CCDC86: variants seen among roughly 807,000 people sequenced by gnomAD.
CCDC86 encodes coiled-coil domain containing 86.
CCDC86 carries 28 observed loss-of-function variants against 36.7 expected under a neutral mutation model. The ratio of observed to expected loss-of-function variants is 0.76; its 90% CI spans 0.57 to 1.05. The LOEUF (loss-of-function observed/expected upper bound fraction) is 1.05, where lower values mean the gene tolerates loss of function less well. CCDC86 is among the 50% of genes least tolerant of loss of function. The pLI is 0.00. For synonymous variants in CCDC86, 199 were observed against 203.4 expected, an observed-to-expected ratio of 0.98 and a Z score of 0.18; for missense variants, 453 against 470.2, an observed-to-expected ratio of 0.96 and a Z score of 0.34.
At chr11:60,845,922 T>C (rs1590572655) in intron 1 of CCDC86, among the ~76,000 whole-genome samples, 1 of 152,218 alleles carries the variant, frequency 6.6e-6, no homozygotes, top group African/African-American at 2.4e-5. Flanking sequence ...CCTGCCTCAG[T>C]ACCTTAGCCG....
At position 60,842,256 on chromosome 11, in the gene CCDC86, G is replaced by A. The variant is rs541655197; in HGVS notation, c.132G>A (p.Glu44=). Residue 44 remains glutamate, a synonymous_variant, in exon 1 of 4, where the codon GAG becomes GAA. Transcript: ENST00000227520. ...AGTCGAACCCAGAAGAAACGAGGGA[G>A]CCCGGGTCTCCTCCGAGTGTGCAGC... ...EFESNPEETR[E]PGSPPSVQRA... is the part of the protein sequence containing the mutation. 837 of 1,613,414 alleles carry A rather than the reference G, an allele frequency of 5.2e-4. 24 individuals carry two copies. In the South Asian group the frequency reaches 7.4e-3, roughly 14 times the overall value.
At position 60,842,470 on chromosome 11, in the gene CCDC86, T is replaced by C. The variant is rs762413004; in HGVS notation, c.346T>C (p.Cys116Arg). Reference protein sequence around the residue: ...QPEYSPESPRCQPKPSEEAPK... With the variant: ...QPEYSPESPRRQPKPSEEAPK... ...AGAGTACAGTCCTGAATCCCCACGATGTCAGCCGAAGCCAAGTGAGGAGGC... is the reference window on the plus strand; with the variant it reads ...AGAGTACAGTCCTGAATCCCCACGACGTCAGCCGAAGCCAAGTGAGGAGGC... Residue 116 changes from cysteine (C) to arginine (R), a missense_variant, in exon 1 of 4, where the codon TGT becomes CGT. Transcript: ENST00000227520. The C allele has an allele frequency of 6.2e-7, 1 of 1,613,656 alleles. No individual in the cohort carries two copies. The highest frequency in any genetic ancestry group is 8.5e-7 in the Non-Finnish European group (1 of 1,179,802).
Position 60,849,933 on chromosome 11 carries a change from G to A in CCDC86, c.889-7G>A. 1.2e-6 allele frequency: 2 copies of A among 1,613,172 alleles called. No homozygotes were observed. The highest frequency in any genetic ancestry group is 1.7e-6 in the Non-Finnish European group (2 of 1,179,424). The stretch of plus-strand genomic sequence containing the variant: ...CGACTCAAATCCCCTTCTCCCACAT[G>A]TTCCAGGAGAAGAAACAGCGCCGGG... On this transcript the variant is annotated splice_region_variant and splice_polypyrimidine_tract_variant and intron_variant, in intron 2 of 3. Transcript: ENST00000227520.
rs1855207921 is a variant in CCDC86, at chr11:60,847,954, G to A, written c.789G>A (p.Leu263=). 6.2e-7 allele frequency: 1 copy of A among 1,613,356 alleles called. No homozygotes were observed. Among genetic ancestry groups the A allele is most frequent in the Non-Finnish European group, 8.5e-7 (1 of 1,179,520 alleles). Residue 263 remains leucine (L), a synonymous_variant, in exon 2 of 4, where the codon CTG becomes CTA. Coordinates refer to ENST00000227520, the MANE Select transcript of CCDC86 (RefSeq NM_024098.4). Reference sequence around the variant, plus strand: ...CCCAGATGCTTCAGGACAAGCCCCTGCGCACATCGTGGCAGCGGAAGATGA... The same window carrying A: ...CCCAGATGCTTCAGGACAAGCCCCTACGCACATCGTGGCAGCGGAAGATGA... ...RFSQMLQDKP[L]RTSWQRKMKE...
chr11:60,844,003 G>A (rs565401656), intron 1 of CCDC86, among the ~76,000 whole-genome samples: 1 of 152,330 alleles, frequency 6.6e-6, no homozygotes, highest in African/African-American at 2.4e-5. Context: ...GTGGATGATG[G>A]CACTACCCCT....
intron 1 of CCDC86, chr11:60,847,343 C>T (rs511456): frequency 0.77 from 117,983 of 152,368 alleles, 46,133 homozygotes; most frequent in East Asian, 0.96. Flanking sequence ...CCTGGACTCA[C>T]GTGGTCTGCC....
Position 60,842,942 on chromosome 11 carries a change from T to A in CCDC86, c.758+60T>A, listed in dbSNP as rs552381645. On this transcript the variant is annotated intron_variant, in intron 1 of 3. Coordinates refer to ENST00000227520, the MANE Select transcript of CCDC86 (RefSeq NM_024098.4). ...TCTCTATGGTGTTGGGACCCCGCCT[T>A]TGCCCTGCTGCAGCCTGGAGAATAG... 1.2e-5 allele frequency: 18 copies of A among 1,509,702 alleles called. No individual in the cohort carries two copies. The African/African-American group carries it at 2.0e-4, about 16-fold the overall frequency. The allele number at this position is 1,509,702 out of a possible 1,614,324, so 93.5% of individuals were successfully genotyped here. A position where few individuals can be genotyped will look rare whatever the true frequency, so the allele number is the denominator to read the frequency against.
intron 1 of CCDC86, 108 bp downstream of exon 1, chr11:60,842,990 C>A (rs1052873294): frequency 5.8e-6 from 8 of 1,370,302 alleles, no homozygotes; most frequent in Non-Finnish European, 5.8e-6. Flanking sequence ...AGAGAGCTCA[C>A]GTTAGTGGGG....
chr11:60,848,724 A>G (rs1697189590), intron 2 of CCDC86, among the ~76,000 whole-genome samples: 1 of 152,090 alleles, frequency 6.6e-6, no homozygotes, highest in South Asian at 2.1e-4. Context: ...CCACTCCTCT[A>G]ATGACCCAGG....
rs1269365176 is a variant in CCDC86 at position 60,842,425 on chromosome 11, G to C, written c.301G>C (p.Glu101Gln). 2.5e-6 allele frequency: 4 copies of C among 1,613,888 alleles called. No individual in the cohort carries two copies. The African/African-American group carries it at 4.0e-5, about 16-fold the overall frequency. The change falls in exon 1 of 4, where the codon GAG (glutamate) becomes CAG (glutamine). Residue 101 changes from glutamate to glutamine, a missense_variant. By Grantham distance (29) the Glu-to-Gln change is conservative. Transcript: ENST00000227520. The part of the protein sequence containing the change: ...SPQRQQDLHL[E>Q]SPQRQPEYSP... The stretch of plus-strand genomic sequence containing the variant: ...CCAGCGTCAGCAAGACCTACACCTG[G>C]AGTCGCCTCAAAGACAGCCAGAGTA...
chr11:60,850,353 G>C lies in CCDC86; in HGVS notation c.*28G>C. ...TCAGGACGGCCCGAGGCCTTCCATG[G>C]CCAACAACCATGTCAGACACAGCAC... On this transcript the variant is annotated 3_prime_UTR_variant, in exon 4 of 4. Transcript: ENST00000227520. The C allele has an allele frequency of 6.2e-7, 1 of 1,610,124 alleles. No individual in the cohort carries two copies. Among genetic ancestry groups the C allele is most frequent in the Non-Finnish European group, 8.5e-7 (1 of 1,176,966 alleles).
In CCDC86 at chr11:60,849,885, A is replaced by G. The variant is rs560034331; in HGVS notation, c.889-55A>G. On this transcript the variant is annotated intron_variant, in intron 2 of 3. Transcript: ENST00000227520. ...CGCTCGCACTCTTCTGGGGCCTGAG[A>G]GACCAGGGCTGCCTCTGCTCCCCGA... 14 of 1,471,446 alleles carry G rather than the reference A, an allele frequency of 9.5e-6. No homozygotes were observed. In the South Asian group the frequency reaches 1.3e-4, roughly 14 times the overall value. 91.1% of individuals were successfully genotyped at this position (1,471,446 alleles called of 1,614,324 possible).
chr11:60,851,010 T>C lies in CCDC86; in HGVS notation c.*685T>C, dbSNP rs912773108. 2.0e-5 allele frequency: 3 copies of C among 152,128 alleles called. No individual in the cohort carries two copies. Among genetic ancestry groups the C allele is most frequent in the African/African-American group, 7.2e-5 (3 of 41,396 alleles). The allele number at this position is 152,128 out of a possible 1,614,324, so 9.4% of individuals were successfully genotyped here. The stretch of plus-strand genomic sequence containing the variant: ...CCTAGGCACCGGCAAATACAGACAA[T>C]AGACCAAAGTCCCTGCCCTCGAGGA... On this transcript the variant is annotated 3_prime_UTR_variant, in exon 4 of 4. Coordinates refer to ENST00000227520, the MANE Select transcript of CCDC86 (RefSeq NM_024098.4).
At chr11:60,844,491 C>G (rs57583466) in intron 1 of CCDC86, among the ~76,000 whole-genome samples, 1 of 152,182 alleles carries the variant, frequency 6.6e-6, no homozygotes, top group African/African-American at 2.4e-5. Context: ...TCAGCGCCTT[C>G]ACACGTGCTG....
Position 60,848,409 on chromosome 11 carries a change from G to A in CCDC86, c.888+356G>A, listed in dbSNP as rs567118229. Among the ~76,000 whole-genome samples, 7 of 152,018 alleles carry A rather than the reference G, an allele frequency of 4.6e-5. No individual in the cohort carries two copies. The South Asian group carries it at 6.2e-4, about 13-fold the overall frequency. ...GGGGTCGAGGGCCCTTTGCTGGGAC[G>A]TACTCAGTTGGGAAGGGCTTGCAGA... On this transcript the variant is annotated intron_variant, in intron 2 of 3. Coordinates refer to ENST00000227520, the MANE Select transcript of CCDC86 (RefSeq NM_024098.4).
rs535181700 is a variant in CCDC86 at position 60,842,975 on chromosome 11, G to T, written c.758+93G>T. On this transcript the variant is annotated intron_variant, in intron 1 of 3. Transcript: ENST00000227520. ...CTGCAGCCTGGAGAATAGCCCCAGGGTTAGAGAGAGCTCACGTTAGTGGGG... is the reference window on the plus strand; with the variant it reads ...CTGCAGCCTGGAGAATAGCCCCAGGTTTAGAGAGAGCTCACGTTAGTGGGG... 1.2e-5 allele frequency: 17 copies of T among 1,448,976 alleles called. No homozygotes were observed. In the East Asian group the frequency reaches 1.4e-4, roughly 12 times the overall value. The allele number at this position is 1,448,976 out of a possible 1,614,324, so 89.8% of individuals were successfully genotyped here.
At position 60,842,203 on chromosome 11, in the gene CCDC86, C is replaced by A. The variant is rs779336789; in HGVS notation, c.79C>A (p.Arg27=). The A allele has an allele frequency of 6.2e-7, 1 of 1,613,030 alleles. No individual in the cohort carries two copies. Among genetic ancestry groups the A allele is most frequent in the African/African-American group, 1.3e-5 (1 of 74,904 alleles). ...ESPESLTSVS[R]TRRALVEFES... ...CCCCGAGAGCCTCACCTCAGTTTCG[C>A]GGACGAGACGGGCCCTTGTGGAGTT... Residue 27 remains arginine (R), a synonymous_variant, in exon 1 of 4, where the codon CGG becomes AGG. Transcript: ENST00000227520.
Position 60,842,583 on chromosome 11 carries a change from G to C in CCDC86, c.459G>C (p.Gln153His), listed in dbSNP as rs2074421. The C allele has an allele frequency of 0.11, 176,840 of 1,613,264 alleles. 10,745 individuals are homozygous for C. Among genetic ancestry groups the C allele is most frequent in the Admixed American group, 0.22 (13,275 of 60,002 alleles). The change falls in exon 1 of 4, where the codon CAG (glutamine) becomes CAC (histidine). Residue 153 changes from glutamine to histidine, a missense_variant. Physicochemically the swap from Gln to His is conservative, Grantham distance 24. Transcript: ENST00000227520. ...TGACCCCGGGGGCCCCCCAGCATCA[G>C]CTACCGCCGGTCCCAGGATCACCAG... ...EELTPGAPQH[Q>H]LPPVPGSPEP...
At chr11:60,844,486 G>A (rs753112491) in intron 1 of CCDC86, among the ~76,000 whole-genome samples, 5 of 152,008 alleles carry the variant, frequency 3.3e-5, no homozygotes, top group African/African-American at 1.2e-4. Flanking sequence ...CTTCCTCAGC[G>A]CCTTCACACG....
Sources: gnomAD v4.1 joint callset for allele counts (sites outside exome capture counted in the v4.1 genomes callset) on GRCh38, gnomAD v4.1.1 for gene constraint, MANE v1.5 for transcripts, NCBI Gene and HGNC (gene_info 2026-07-23, HGNC 2026-07-21) for gene names.